Variants in CACNA1E observed in about 807,000 individuals in gnomAD.
The protein encoded by CACNA1E is voltage-dependent R-type calcium channel subunit alpha-1E.
In CACNA1E, 40 loss-of-function variants were observed where a neutral mutation model predicts 259.2. The ratio of observed to expected loss-of-function variants is 0.15; its 90% confidence interval spans 0.12 to 0.20. The LOEUF (loss-of-function observed/expected upper bound fraction) is 0.20. CACNA1E is among the 10% of genes least tolerant of loss of function. CACNA1E has a pLI of 1.00. For synonymous variants in CACNA1E, 1,104 were observed against 1,138.5 expected (o/e 0.97, Z 0.61); for missense variants, 1,874 against 3,040.1 (o/e 0.62, Z 9.02).
At chr1:181,743,504 A>G (rs1656773465) in intron 25 of CACNA1E, among the ~76,000 whole-genome samples, 1 of 152,222 alleles carries the variant, frequency 6.6e-6, no homozygotes, top group South Asian at 2.1e-4. Context: ...CTGCTCCCCA[A>G]CCAAAGTCAG....
chr1:181,637,385 G>A (rs1158108355), intron 6 of CACNA1E, among the ~76,000 whole-genome samples: 18 of 151,710 alleles, frequency 1.2e-4, no homozygotes, highest in Non-Finnish European at 1.3e-4. Context: ...ACTCACTCTT[G>A]GGGAAATCTT....
intron 3 of CACNA1E, among the ~76,000 whole-genome samples, chr1:181,530,627 A>C (rs1215595433): frequency 6.6e-6 from 1 of 152,206 alleles, no homozygotes; most frequent in Non-Finnish European, 1.5e-5. Flanking sequence ...AGCTTACAGA[A>C]CCATCGAAGA....
intron 39 of CACNA1E, among the ~76,000 whole-genome samples, chr1:181,783,273 G>A (rs1660577835): frequency 6.6e-6 from 1 of 152,164 alleles, no homozygotes; most frequent in South Asian, 2.1e-4. Context: ...TGGGACAAGT[G>A]GAAATATGGA....
In CACNA1E at chr1:181,732,707, T is replaced by C; in HGVS notation, c.2621T>C (p.Leu874Ser). 6.5e-7 allele frequency: 1 copy of C among 1,538,804 alleles called. No individual in the cohort carries two copies. The highest frequency in any genetic ancestry group is 8.7e-7 in the Non-Finnish European group (1 of 1,144,282). ...GCCCTGGACAACCAGAGGACCCCTT[T>C]GTCCCTGGGCCAGCGGGAGCCACCA... ...SSALDNQRTP[L>S]SLGQREPPWL... Residue 874 changes from leucine to serine, a missense_variant, in exon 20 of 48, where the codon TTG becomes TCG. Leu to Ser is a moderately radical substitution (Grantham distance 145, BLOSUM62 -2). This residue lies in a region of CACNA1E where 476 missense variants were observed against 514.0 expected (regional missense o/e 0.93). Coordinates refer to ENST00000367573, the MANE Select transcript of CACNA1E (RefSeq NM_001205293.3). This position sits in a 1 kb window ranked among gnomAD's most constrained non-coding sequence, Gnocchi z 5.5.
Position 181,798,892 on chromosome 1 carries a change from A to C in CACNA1E, c.*58A>C. Reference sequence around the variant, plus strand: ...CTCACATGGAGAAAACCAAGACAGAATTGGGAAGCCAGTGCGGCCCGGGGG... The same window carrying C: ...CTCACATGGAGAAAACCAAGACAGACTTGGGAAGCCAGTGCGGCCCGGGGG... On this transcript the variant is annotated 3_prime_UTR_variant, in exon 48 of 48. Coordinates refer to ENST00000367573, the MANE Select transcript of CACNA1E (RefSeq NM_001205293.3). The surrounding 1 kb of genome is among the most constrained non-coding windows in gnomAD (Gnocchi z 4.2). The C allele has an allele frequency of 4.2e-6, 6 of 1,433,600 alleles. No individual in the cohort carries two copies. Among genetic ancestry groups the C allele is most frequent in the Non-Finnish European group, 5.5e-6 (6 of 1,091,218 alleles). 88.8% of individuals were successfully genotyped at this position (1,433,600 alleles called of 1,614,324 possible). A position where few individuals can be genotyped will look rare whatever the true frequency, so the allele number is the denominator to read the frequency against.
chr1:181,719,472 C>T (rs1289869584), intron 12 of CACNA1E, among the ~76,000 whole-genome samples: 1 of 152,184 alleles, frequency 6.6e-6, no homozygotes, highest in Non-Finnish European at 1.5e-5. Context: ...GTCAGAGCAG[C>T]AGAAGCAGCA....
intron 1 of CACNA1E, among the ~76,000 whole-genome samples, chr1:181,495,738 C>A (rs923829345): frequency 6.6e-6 from 1 of 152,260 alleles, no homozygotes; most frequent in Admixed American, 6.5e-5. Context: ...CTTTGCCTGC[C>A]TTATAAGACT....
In CACNA1E at chr1:181,510,512, C is replaced by T; in HGVS notation, c.302C>T (p.Ala101Val). Residue 101 changes from alanine (A) to valine (V), a missense_variant, in exon 2 of 48, where the codon GCC (alanine) becomes GTC (valine). By Grantham distance (64) the Ala-to-Val change is moderately conservative (BLOSUM62 0). This residue lies in a region of CACNA1E where 55 missense variants were observed against 156.5 expected (regional missense o/e 0.35). Transcript: ENST00000367573. ...FEYMILATIIANCIVLALEQH... is the reference protein window; with the variant it reads ...FEYMILATIIVNCIVLALEQH... Reference sequence around the variant, plus strand: ...TACATGATCCTGGCCACCATCATTGCCAACTGCATCGTCCTGGCCCTGGAG... The same window carrying T: ...TACATGATCCTGGCCACCATCATTGTCAACTGCATCGTCCTGGCCCTGGAG... The T allele has an allele frequency of 6.2e-7, 1 of 1,613,938 alleles. No individual in the cohort carries two copies. The highest frequency in any genetic ancestry group is 8.5e-7 in the Non-Finnish European group (1 of 1,179,804).
At chr1:181,327,989 T>G (rs992717636) in intron 1 of CACNA1E, among the ~76,000 whole-genome samples, 1 of 152,214 alleles carries the variant, frequency 6.6e-6, no homozygotes, top group Non-Finnish European at 1.5e-5. Context: ...TGCTGGAGCC[T>G]CTCTCTTCAC....
At position 181,793,716 on chromosome 1, in the gene CACNA1E, T is replaced by C. The variant is rs1443006479; in HGVS notation, c.5950T>C (p.Tyr1984His). 1 of 1,611,426 alleles carries C rather than the reference T, an allele frequency of 6.2e-7. No homozygotes were observed. The highest frequency in any genetic ancestry group is 1.3e-5 in the African/African-American group (1 of 74,924). The change falls in exon 45 of 48, where the codon TAC (tyrosine) becomes CAC (histidine). Residue 1984 changes from tyrosine (Y) to histidine (H), a missense_variant. This residue lies in a region of CACNA1E where 542 missense variants were observed against 587.2 expected (regional missense o/e 0.92). Coordinates refer to ENST00000367573, the MANE Select transcript of CACNA1E (RefSeq NM_001205293.3). ...CGTGCAGCCCTCTAACCATGGCATC[T>C]ACCTTCCTTCGGACACCCAGGAGCA... The part of the protein sequence containing the change: ...KSVQPSNHGI[Y>H]LPSDTQEHAG...
At position 181,545,460 on chromosome 1, in the gene CACNA1E, C is replaced by T. The variant is rs562476908; in HGVS notation, c.513-32306C>T. ...GGTCCAGTTGGTGGGCTCCCTGTGT[C>T]CTGCAGGGCTGTGGGGGGATGGCAG... On this transcript the variant is annotated intron_variant, in intron 3 of 47. Transcript: ENST00000367573. Among the ~76,000 whole-genome samples the T allele has an allele frequency of 2.0e-5, 3 of 152,274 alleles. No homozygotes were observed. In the East Asian group the frequency reaches 5.8e-4, roughly 29 times the overall value.
At chr1:181,425,535 C>CG (rs1467331344) in intron 2 of CACNA1E, among the ~76,000 whole-genome samples, 2 of 118,888 alleles carry the variant, frequency 1.7e-5, no homozygotes, top group African/African-American at 7.1e-5. Flanking sequence ...CCCCGCTCCC[C>CG]CCCCCGACCC....
chr1:181,392,244 C>T (rs1477744253), intron 1 of CACNA1E, among the ~76,000 whole-genome samples: 1 of 152,128 alleles, frequency 6.6e-6, no homozygotes, highest in Non-Finnish European at 1.5e-5. Context: ...TTTCCTGACG[C>T]TCAACTCAAG....
At chr1:181,472,194 A>C (rs1171347212) in intron 2 of CACNA1E, among the ~76,000 whole-genome samples, 17 of 121,646 alleles carry the variant, frequency 1.4e-4, no homozygotes, top group Non-Finnish European at 3.2e-5. Flanking sequence ...AAAGGGAATG[A>C]AACAGTGGTT....
At chr1:181,578,178 C>T (rs537646737) in intron 4 of CACNA1E, among the ~76,000 whole-genome samples, 1 of 152,026 alleles carries the variant, frequency 6.6e-6, no homozygotes, top group African/African-American at 2.4e-5. Flanking sequence ...TTCATTTTTC[C>T]CCTGTGCATT....
intron 38 of CACNA1E, among the ~76,000 whole-genome samples, chr1:181,777,029 A>AT (rs796940244): frequency 2.6e-4 from 39 of 152,354 alleles, no homozygotes; most frequent in African/African-American, 9.1e-4. Context: ...ATTTGAAAGT[A>AT]TTTACTACAG....
intron 7 of CACNA1E, among the ~76,000 whole-genome samples, chr1:181,652,286 T>C (rs984120002): frequency 1.3e-5 from 2 of 152,228 alleles, no homozygotes; most frequent in African/African-American, 4.8e-5. Flanking sequence ...GAGATTCTTA[T>C]ATTTTTCTAA....
At chr1:181,542,537 G>C (rs1226542755) in intron 3 of CACNA1E, among the ~76,000 whole-genome samples, 1 of 152,084 alleles carries the variant, frequency 6.6e-6, no homozygotes, top group Non-Finnish European at 1.5e-5. Flanking sequence ...TCTCATGATA[G>C]TGAGTGAGTT....
Position 181,716,964 on chromosome 1 carries a change from T to TC in CACNA1E, c.1316-125dup, listed in dbSNP as rs1012773176. ...ACTACTGAGCCCGTAAGATGGGGAT[T>TC]CCCCACACCTGCAATGTGGCAGTCA... On this transcript the variant is annotated intron_variant, in intron 10 of 47. Coordinates refer to ENST00000367573, the MANE Select transcript of CACNA1E (RefSeq NM_001205293.3). 65 of 703,930 alleles carry TC rather than the reference T, an allele frequency of 9.2e-5. No homozygotes were observed. In the African/African-American group the frequency reaches 1.1e-3, roughly 12 times the overall value. 43.6% of individuals were successfully genotyped at this position (703,930 alleles called of 1,614,324 possible).
Sources: allele counts gnomAD v4.1 joint callset (sites outside exome capture counted in the v4.1 genomes callset), GRCh38; gene constraint gnomAD v4.1.1; regional missense constraint gnomAD v4.1.1; non-coding constraint Gnocchi (gnomAD v3.1); transcripts MANE v1.5; gene names NCBI Gene and HGNC (gene_info 2026-07-23, HGNC 2026-07-21).